MCTP2: variants seen among roughly 807,000 people sequenced by gnomAD.
MCTP2 encodes the protein multiple C2 and transmembrane domain-containing protein 2.
In MCTP2, 132 loss-of-function variants were observed where a neutral mutation model predicts 111.6. The ratio of observed to expected loss-of-function variants is 1.18; its 90% CI spans 1.03 to 1.37. The LOEUF (loss-of-function observed/expected upper bound fraction) is 1.37, where lower values mean the gene tolerates loss of function less well. MCTP2 is among the 40% of genes most tolerant of loss of function. The probability of loss-of-function intolerance (pLI) is 0.00; values close to 1 mark genes in which losing one functional copy is unlikely to be tolerated. For synonymous variants in MCTP2, 395 were observed against 387.7 expected (o/e 1.02, Z -0.22); for missense variants, 1,183 against 1,067.9 (o/e 1.11, Z -1.50).
chr15:94,420,412 G>A (rs2082571064), intron 17 of MCTP2, among the ~76,000 whole-genome samples: 1 of 152,082 alleles, frequency 6.6e-6, no homozygotes, highest in Admixed American at 6.6e-5. Context: ...AGCCGTCATT[G>A]ATTGTGAATT....
intron 8 of MCTP2, among the ~76,000 whole-genome samples, chr15:94,354,899 G>A (rs1326185460): frequency 2.0e-5 from 3 of 152,168 alleles, no homozygotes; most frequent in Non-Finnish European, 4.4e-5. Flanking sequence ...GATATAGCGA[G>A]CGATGACAGG....
In MCTP2 at chr15:94,377,411, C is replaced by T. The variant is rs558873047; in HGVS notation, c.1583-6611C>T. 7.2e-5 allele frequency among the ~76,000 whole-genome samples: 11 copies of T among 152,264 alleles called. No homozygotes were observed. In the South Asian group the frequency reaches 2.1e-3, roughly 29 times the overall value. On this transcript the variant is annotated intron_variant, in intron 12 of 22. Coordinates refer to ENST00000357742, the MANE Select transcript of MCTP2 (RefSeq NM_001385001.1). ...CTACATAAATCTGCCTCTGGCAGGC[C>T]GTCTGCTTCAACTGCCTTCCAGAGA...
At chr15:94,287,668 G>GA (rs998441202) in intron 1 of MCTP2, among the ~76,000 whole-genome samples, 1 of 152,184 alleles carries the variant, frequency 6.6e-6, no homozygotes, top group Non-Finnish European at 1.5e-5. Context: ...TGAAGTCTCA[G>GA]AAAAGTAAAG....
At chr15:94,276,008 G>C (rs1567315040) in intron 1 of MCTP2, among the ~76,000 whole-genome samples, 1 of 151,930 alleles carries the variant, frequency 6.6e-6, no homozygotes, top group Non-Finnish European at 1.5e-5. Context: ...ACCATGCCCA[G>C]CTAATTTTTG....
intron 17 of MCTP2, among the ~76,000 whole-genome samples, chr15:94,406,929 C>T (rs1284120722): frequency 1.3e-5 from 2 of 150,926 alleles, no homozygotes; most frequent in Non-Finnish European, 2.9e-5. Flanking sequence ...ATAACCACCC[C>T]TTATGTTCCT....
At chr15:94,267,035 A>G (rs1289420016) in intron 1 of MCTP2, among the ~76,000 whole-genome samples, 1 of 152,220 alleles carries the variant, frequency 6.6e-6, no homozygotes. Flanking sequence ...TTTGTAATGT[A>G]ACTGAAATCC....
At chr15:94,261,024 A>G (rs1033038217) in intron 1 of MCTP2, among the ~76,000 whole-genome samples, 1 of 152,062 alleles carries the variant, frequency 6.6e-6, no homozygotes, top group Non-Finnish European at 1.5e-5. Flanking sequence ...CATGACCGAG[A>G]CCCTCCTTTC....
chr15:94,297,177 A>G (rs540023929), intron 1 of MCTP2, among the ~76,000 whole-genome samples: 11 of 152,308 alleles, frequency 7.2e-5, no homozygotes, highest in Admixed American at 3.3e-4. Context: ...ATTATGAGGC[A>G]TGTGACACAT....
chr15:94,236,904 TGA>T (rs1038038564), intron 1 of MCTP2, among the ~76,000 whole-genome samples: 40 of 152,130 alleles, frequency 2.6e-4, no homozygotes, highest in African/African-American at 9.4e-4. Flanking sequence ...CGGCAGGATT[TGA>T]GAGATAACTA....
chr15:94,478,781 A>T (rs948658578), intron 22 of MCTP2, among the ~76,000 whole-genome samples, 185 bp from the exon 23 acceptor site: 23 of 152,188 alleles, frequency 1.5e-4, no homozygotes, highest in African/African-American at 5.3e-4. Context: ...GGTTTCAAGA[A>T]ATGATGCATG....
In MCTP2 at chr15:94,260,774, C is replaced by G. The variant is rs116755413; in HGVS notation, c.-66+29110C>G. 3.4e-3 allele frequency among the ~76,000 whole-genome samples: 511 copies of G among 152,256 alleles called. 1 individual carries two copies. The highest frequency in any genetic ancestry group is 0.012 in the African/African-American group (481 of 41,560). On this transcript the variant is annotated intron_variant, in intron 1 of 22. Coordinates refer to ENST00000357742, the MANE Select transcript of MCTP2 (RefSeq NM_001385001.1). Reference sequence around the variant, plus strand: ...CCTCCAACCATCTGAATGAACCCCTCTTCTCAGCCAACGGCATTCCAACGT... The same window carrying G: ...CCTCCAACCATCTGAATGAACCCCTGTTCTCAGCCAACGGCATTCCAACGT...
At position 94,298,560 on chromosome 15, in the gene MCTP2, T is replaced by C. The variant is rs1312299478; in HGVS notation, c.295T>C (p.Ser99Pro). 6.8e-6 allele frequency: 11 copies of C among 1,614,080 alleles called. No homozygotes were observed. Among genetic ancestry groups the C allele is most frequent in the Non-Finnish European group, 9.3e-6 (11 of 1,180,010 alleles). Residue 99 changes from serine to proline, a missense_variant, in exon 2 of 23, where the codon TCT becomes CCT. Ser to Pro is a moderately conservative substitution (Grantham distance 74). Coordinates refer to ENST00000357742, the MANE Select transcript of MCTP2 (RefSeq NM_001385001.1). Reference protein sequence around the residue: ...PKSSSSSLKQSEEELDWSQEE... With the variant: ...PKSSSSSLKQPEEELDWSQEE... ...GAGCAGCAGTAGCTCCTTGAAACAG[T>C]CTGAAGAAGAATTGGATTGGAGCCA...
At chr15:94,373,917 T>C (rs1276551443) in intron 12 of MCTP2, among the ~76,000 whole-genome samples, 1 of 152,230 alleles carries the variant, frequency 6.6e-6, no homozygotes, top group Non-Finnish European at 1.5e-5. Flanking sequence ...TGATAAATTG[T>C]ACTTGGAGGC....
chr15:94,332,627 T>A (rs1176927872), intron 4 of MCTP2, among the ~76,000 whole-genome samples: 2 of 152,156 alleles, frequency 1.3e-5, no homozygotes, highest in East Asian at 3.8e-4. Context: ...AGTGTAAAAA[T>A]ATGGTGATAA....
Position 94,359,403 on chromosome 15 carries a change from G to T in MCTP2, c.1301+791G>T, listed in dbSNP as rs544944687. On this transcript the variant is annotated intron_variant, in intron 10 of 22. Transcript: ENST00000357742. Reference sequence around the variant, plus strand: ...TTCTCCATCAAATCACTTGCCTTGTGTTCATTCTGTATACATATTATTTGT... The same window carrying T: ...TTCTCCATCAAATCACTTGCCTTGTTTTCATTCTGTATACATATTATTTGT... Among the ~76,000 whole-genome samples the T allele has an allele frequency of 1.1e-3, 173 of 152,296 alleles. 1 individual carries two copies. Among genetic ancestry groups the T allele is most frequent in the African/African-American group, 3.7e-3 (153 of 41,558 alleles).
chr15:94,353,354 C>T (rs563324506), intron 8 of MCTP2, among the ~76,000 whole-genome samples: 10 of 152,262 alleles, frequency 6.6e-5, no homozygotes, highest in African/African-American at 1.2e-4. Flanking sequence ...CATGCTGTTC[C>T]GCCATATGGA....
chr15:94,467,466 A>G (rs1240981766), intron 20 of MCTP2, among the ~76,000 whole-genome samples: 2 of 152,060 alleles, frequency 1.3e-5, no homozygotes, highest in Non-Finnish European at 2.9e-5. Flanking sequence ...TTTATTTTAT[A>G]TATGTACATT....
At chr15:94,465,808 A>AT (rs1364247125) in intron 20 of MCTP2, among the ~76,000 whole-genome samples, 2 of 129,784 alleles carry the variant, frequency 1.5e-5, no homozygotes, top group African/African-American at 5.5e-5. Context: ...CTTGCTAGGA[A>AT]TTGAAACACT....
rs1359668220 is a variant in MCTP2, at chr15:94,479,084, T to C, written c.*50T>C. ...GCACCCAATATTGTGTTTGGTTGAG[T>C]AGACCAATGTTATGGCTGTTTCAGT... is the stretch of plus-strand genomic sequence containing the variant. On this transcript the variant is annotated 3_prime_UTR_variant, in exon 23 of 23. Coordinates refer to ENST00000357742, the MANE Select transcript of MCTP2 (RefSeq NM_001385001.1). The C allele has an allele frequency of 1.9e-6, 3 of 1,565,524 alleles. No homozygotes were observed. Among genetic ancestry groups the C allele is most frequent in the Non-Finnish European group, 1.8e-6 (2 of 1,136,310 alleles).
Sources: allele counts gnomAD v4.1 joint callset (sites outside exome capture counted in the v4.1 genomes callset), GRCh38; gene constraint gnomAD v4.1.1; transcripts MANE v1.5; gene names NCBI Gene and HGNC (gene_info 2026-07-23, HGNC 2026-07-21).